Variants in KLF7 observed in about 807,000 individuals in gnomAD.
The protein encoded by KLF7 is Krueppel-like factor 7.
In KLF7, 2 loss-of-function variants were observed where a neutral mutation model predicts 27.3. The observed-to-expected ratio is 0.07, with a 90% CI of 0.03 to 0.23. KLF7 has a LOEUF of 0.23. Among genes scored for constraint, KLF7 ranks in the 10% least tolerant of loss-of-function variants. The probability of loss-of-function intolerance (pLI) is 1.00; values close to 1 mark genes in which losing one functional copy is unlikely to be tolerated. For missense variants in KLF7, 221 were observed against 394.1 expected, an observed-to-expected ratio of 0.56 and a Z score of 3.72; for synonymous variants, 165 against 162.4, an observed-to-expected ratio of 1.02 and a Z score of -0.12.
intron 1 of KLF7, among the ~76,000 whole-genome samples, chr2:207,163,910 TTAAGGA>T (rs1353349815): frequency 6.6e-6 from 1 of 152,122 alleles, no homozygotes; most frequent in African/African-American, 2.4e-5. Context: ...CACACTCTCG[TTAAGGA>T]TAAGGAAAAG....
intron 1 of KLF7, among the ~76,000 whole-genome samples, chr2:207,147,541 T>A (rs2078127950): frequency 6.6e-6 from 1 of 152,152 alleles, no homozygotes; most frequent in African/African-American, 2.4e-5. Flanking sequence ...AATTGGCTTT[T>A]CATTTTAACA....
chr2:207,107,961 T>C (rs959009852), intron 2 of KLF7, among the ~76,000 whole-genome samples: 2 of 152,248 alleles, frequency 1.3e-5, no homozygotes, highest in Non-Finnish European at 2.9e-5. Flanking sequence ...AGCTGTTCAG[T>C]TAATTTTAAT....
At chr2:207,119,315 T>C (rs2077271849) in intron 2 of KLF7, among the ~76,000 whole-genome samples, 1 of 152,236 alleles carries the variant, frequency 6.6e-6, no homozygotes, top group Non-Finnish European at 1.5e-5. Flanking sequence ...GAAAAGTCTG[T>C]TTACTTAGCA....
At chr2:207,139,309 G>T (rs1409291158) in intron 1 of KLF7, among the ~76,000 whole-genome samples, 1 of 152,098 alleles carries the variant, frequency 6.6e-6, no homozygotes, top group Non-Finnish European at 1.5e-5. Context: ...ATACTTATCT[G>T]GTAATCTTGT....
upstream of KLF7, among the ~76,000 whole-genome samples, chr2:207,169,338 A>G (rs1386524256): frequency 6.6e-6 from 1 of 152,208 alleles, no homozygotes; most frequent in Non-Finnish European, 1.5e-5. Context: ...ATGTGAATAC[A>G]CACATTAAAG....
chr2:207,152,463 C>T (rs951492204), intron 1 of KLF7, among the ~76,000 whole-genome samples: 2 of 152,184 alleles, frequency 1.3e-5, no homozygotes, highest in African/African-American at 4.8e-5. Context: ...CAAGAGGCTG[C>T]ATGCTCAGGA....
chr2:207,147,800 G>A (rs754466560), intron 1 of KLF7, among the ~76,000 whole-genome samples: 18 of 152,186 alleles, frequency 1.2e-4, no homozygotes, highest in Non-Finnish European at 1.6e-4. Context: ...ACGATATGCC[G>A]GATACTAACA....
chr2:207,162,466 A>C (rs752443390), intron 1 of KLF7, among the ~76,000 whole-genome samples: 7 of 152,240 alleles, frequency 4.6e-5, no homozygotes, highest in Non-Finnish European at 1.0e-4. Context: ...CGAGTGCTTA[A>C]GTATGCAGTC....
intron 1 of KLF7, among the ~76,000 whole-genome samples, chr2:207,160,058 T>G (rs2078497684): frequency 6.6e-6 from 1 of 152,210 alleles, no homozygotes; most frequent in Non-Finnish European, 1.5e-5. Flanking sequence ...ATATGTATAT[T>G]CTACAATGAG....
chr2:207,075,288 AAT>A lies in KLF7; in HGVS notation c.*5923_*5924del, dbSNP rs1191004403. Reference sequence around the variant, plus strand: ...CATACCACCATCATATAATACAAATAATAGTTTTAAATCTTAAGACTTTTGTA... The same window carrying A: ...CATACCACCATCATATAATACAAATAAGTTTTAAATCTTAAGACTTTTGTA... On this transcript the variant is annotated 3_prime_UTR_variant, in exon 4 of 4. Coordinates refer to ENST00000309446, the MANE Select transcript of KLF7 (RefSeq NM_003709.4). 6.6e-6 allele frequency: 1 copy of A among 151,110 alleles called. No individual in the cohort carries two copies. Among genetic ancestry groups the A allele is most frequent in the African/African-American group, 2.4e-5 (1 of 41,306 alleles). The allele number at this position is 151,110 out of a possible 1,614,324, so 9.4% of individuals were successfully genotyped here.
intron 2 of KLF7, among the ~76,000 whole-genome samples, chr2:207,123,483 G>A (rs141591714): frequency 7.2e-5 from 11 of 152,182 alleles, no homozygotes; most frequent in Admixed American, 1.3e-4. Flanking sequence ...ACAAGTGTCT[G>A]TGTCACAAAC....
chr2:207,136,266 CA>C (rs2077785126), intron 1 of KLF7, among the ~76,000 whole-genome samples: 1 of 152,162 alleles, frequency 6.6e-6, no homozygotes, highest in African/African-American at 2.4e-5. Context: ...TTGTCACTCT[CA>C]GTTCCTTACC....
At chr2:207,111,583 G>A (rs2077038853) in intron 2 of KLF7, among the ~76,000 whole-genome samples, 2 of 152,182 alleles carry the variant, frequency 1.3e-5, no homozygotes, top group Admixed American at 1.3e-4. Flanking sequence ...GTTTTGTGTG[G>A]CCATGAGAAT....
chr2:207,115,681 T>C (rs945747498), intron 2 of KLF7, among the ~76,000 whole-genome samples: 5 of 152,216 alleles, frequency 3.3e-5, no homozygotes, highest in Non-Finnish European at 5.9e-5. Context: ...GAGGGGTAGA[T>C]GGGATGGTGC....
chr2:207,096,868 T>A (rs536446912), intron 2 of KLF7, among the ~76,000 whole-genome samples: 1 of 152,326 alleles, frequency 6.6e-6, no homozygotes, highest in South Asian at 2.1e-4. Flanking sequence ...ATATTTCTCT[T>A]TAAATTGTTC....
intron 2 of KLF7, among the ~76,000 whole-genome samples, chr2:207,095,584 G>C (rs1313439766): frequency 6.6e-6 from 1 of 152,196 alleles, no homozygotes; most frequent in Non-Finnish European, 1.5e-5. Flanking sequence ...GCCACACATA[G>C]CAACGAGCGC....
intron 2 of KLF7, among the ~76,000 whole-genome samples, chr2:207,120,395 T>C (rs2077305364): frequency 6.6e-6 from 1 of 152,248 alleles, no homozygotes; most frequent in African/African-American, 2.4e-5. Flanking sequence ...TTTATGCATA[T>C]GAGAGGAAGA....
chr2:207,093,108 T>C (rs1436116270), intron 2 of KLF7, among the ~76,000 whole-genome samples: 1 of 152,188 alleles, frequency 6.6e-6, no homozygotes, highest in Non-Finnish European at 1.5e-5. Context: ...CAGGGGGCCT[T>C]AGTCTATATA....
chr2:207,102,782 A>AGAG (rs1156509623), intron 2 of KLF7, among the ~76,000 whole-genome samples: 1 of 152,176 alleles, frequency 6.6e-6, no homozygotes, highest in African/African-American at 2.4e-5. Context: ...TCCCTAGGTA[A>AGAG]GAGTATCCCT....
Sources: gnomAD v4.1 joint callset for allele counts (sites outside exome capture counted in the v4.1 genomes callset) on GRCh38, gnomAD v4.1.1 for gene constraint, MANE v1.5 for transcripts, NCBI Gene and HGNC (gene_info 2026-07-23, HGNC 2026-07-21) for gene names.